The following TBC1D4 variants were observed in gnomAD, a reference collection of about 807,000 sequenced individuals.
TBC1D4 encodes the protein TBC (Tre-2, BUB2, CDC16) domain-containing protein.
In TBC1D4, 121 loss-of-function variants were observed where a neutral mutation model predicts 142.5. The ratio of observed to expected loss-of-function variants is 0.85; its 90% CI spans 0.73 to 0.99. TBC1D4 has a LOEUF of 0.99. TBC1D4 is among the 50% of genes least tolerant of loss of function. TBC1D4 has a pLI of 0.00. For synonymous variants in TBC1D4, 630 were observed against 628.2 expected, an observed-to-expected ratio of 1.00 and a Z score of -0.04; for missense variants, 1,475 against 1,606.6, an observed-to-expected ratio of 0.92 and a Z score of 1.40.
rs1397591964 is a variant in TBC1D4 at position 75,302,366 on chromosome 13, A to G, written c.2788T>C (p.Phe930Leu). 1.2e-6 allele frequency: 2 copies of G among 1,614,032 alleles called. No homozygotes were observed. Among genetic ancestry groups the G allele is most frequent in the African/African-American group, 1.3e-5 (1 of 74,932 alleles). ...CTGAGTCGGTACTGTAAAGCCAGAAACTGCCAAATTTCTCCTCGTCGACTT... is the reference window on the plus strand; with the variant it reads ...CTGAGTCGGTACTGTAAAGCCAGAAGCTGCCAAATTTCTCCTCGTCGACTT... ...PKSRRGEIWQ[F>L]LALQYRLRHR... Residue 930 changes from phenylalanine (F) to leucine (L), a missense_variant, in exon 16 of 21, where the codon TTT (phenylalanine) becomes CTT (leucine). Transcript: ENST00000377636.
At chr13:75,404,065 C>T (rs1434297260) in intron 1 of TBC1D4, among the ~76,000 whole-genome samples, 41 of 102,604 alleles carry the variant, frequency 4.0e-4, no homozygotes, top group Non-Finnish European at 6.8e-4. Flanking sequence ...TATATACATA[C>T]ACACACACAC....
chr13:75,364,253 C>T (rs1882766107), intron 1 of TBC1D4, among the ~76,000 whole-genome samples: 1 of 152,178 alleles, frequency 6.6e-6, no homozygotes, highest in South Asian at 2.1e-4. Context: ...GCACATTCCT[C>T]CCACAAGGTC....
chr13:75,338,349 G>A (rs1435946033), intron 7 of TBC1D4, among the ~76,000 whole-genome samples: 1 of 151,662 alleles, frequency 6.6e-6, no homozygotes, highest in African/African-American at 2.4e-5. Context: ...ATAAAGCACT[G>A]GGATCATTCA....
chr13:75,474,764 G>A (rs1037365379), intron 1 of TBC1D4, among the ~76,000 whole-genome samples: 5 of 151,390 alleles, frequency 3.3e-5, no homozygotes, highest in Non-Finnish European at 7.4e-5. Context: ...AGCCTCCCAA[G>A]TAGCTGTGAT....
intron 1 of TBC1D4, among the ~76,000 whole-genome samples, chr13:75,396,536 T>C (rs551291853): frequency 2.6e-5 from 4 of 152,300 alleles, no homozygotes; most frequent in Admixed American, 2.6e-4. Context: ...ATTGTATTTG[T>C]GTCACAATAA....
chr13:75,383,977 T>A (rs1262412451), intron 1 of TBC1D4, among the ~76,000 whole-genome samples: 1 of 151,906 alleles, frequency 6.6e-6, no homozygotes, highest in Non-Finnish European at 1.5e-5. Flanking sequence ...TCAAAACTTA[T>A]CTCCGAGGAA....
chr13:75,368,538 G>A (rs2138199819), intron 1 of TBC1D4, among the ~76,000 whole-genome samples: 1 of 152,274 alleles, frequency 6.6e-6, no homozygotes, highest in African/African-American at 2.4e-5. Flanking sequence ...TCTAAGTTAG[G>A]CCAAATTGTC....
intron 4 of TBC1D4, among the ~76,000 whole-genome samples, chr13:75,350,130 T>C (rs1282484090): frequency 6.6e-6 from 1 of 152,196 alleles, no homozygotes; most frequent in African/African-American, 2.4e-5. Flanking sequence ...ATGTAAAGTG[T>C]AATTTTCCTA....
At chr13:75,331,370 T>A (rs1214039054) in intron 8 of TBC1D4, among the ~76,000 whole-genome samples, 1 of 151,990 alleles carries the variant, frequency 6.6e-6, no homozygotes, top group Non-Finnish European at 1.5e-5. Flanking sequence ...CTTGGTGGAA[T>A]GTGACCATGG....
chr13:75,356,132 A>T lies in TBC1D4; in HGVS notation c.1275+15T>A. ...GTGTCCGCAGGAGCAGGCAGACAGC[A>T]ATAACACTACTTACCAGAGATTCGC... is the stretch of plus-strand genomic sequence containing the variant. On this transcript the variant is annotated intron_variant, in intron 4 of 20. Transcript: ENST00000377636. 6.3e-7 allele frequency: 1 copy of T among 1,596,998 alleles called. No individual in the cohort carries two copies. Among genetic ancestry groups the T allele is most frequent in the Non-Finnish European group, 8.6e-7 (1 of 1,165,048 alleles).
At chr13:75,380,531 G>C (rs1239563057) in intron 1 of TBC1D4, among the ~76,000 whole-genome samples, 1 of 120,748 alleles carries the variant, frequency 8.3e-6, no homozygotes, top group African/African-American at 2.7e-5. Context: ...TAATGAACTA[G>C]ATAAGATTTT....
Position 75,306,394 on chromosome 13 carries a change from T to C in TBC1D4, c.2671A>G (p.Ile891Val), listed in dbSNP as rs1400211924. The change falls in exon 15 of 21, where the codon ATA (isoleucine) becomes GTA (valine). Residue 891 changes from isoleucine to valine, a missense_variant. Around this residue, in one of 2 missense-constraint regions of TBC1D4, gnomAD observed 1,227 missense variants for 1,267.7 expected, o/e 0.97. Coordinates refer to ENST00000377636, the MANE Select transcript of TBC1D4 (RefSeq NM_014832.5). ...TTTAACAACTTCTTATCCCAAGTTA[T>C]TAAGACCTCTTTCTGACATGCACCA... ...EVGACQKEVL[I>V]TWDKKLLNCR... is the part of the protein sequence containing the mutation. 1.9e-6 allele frequency: 3 copies of C among 1,613,534 alleles called. No individual in the cohort carries two copies. The South Asian group carries it at 3.3e-5, about 18-fold the overall frequency.
Position 75,432,347 on chromosome 13 carries a change from T to C in TBC1D4, c.498+48923A>G, listed in dbSNP as rs1031315325. Among the ~76,000 whole-genome samples, 12 of 152,316 alleles carry C rather than the reference T, an allele frequency of 7.9e-5. No individual in the cohort carries two copies. In the East Asian group the frequency reaches 9.6e-4, roughly 12 times the overall value. ...CGTGAGACTATGACTAAAAGGTCCA[T>C]TGAAACTCCATGTTCTGAGGCAGCA... On this transcript the variant is annotated intron_variant, in intron 1 of 20. Transcript: ENST00000377636.
intron 1 of TBC1D4, among the ~76,000 whole-genome samples, chr13:75,470,196 A>T (rs1888341253): frequency 6.6e-6 from 1 of 152,184 alleles, no homozygotes; most frequent in Non-Finnish European, 1.5e-5. Context: ...GATAATAAAG[A>T]TTTTAGGCCT....
chr13:75,481,333 C>A lies in TBC1D4; in HGVS notation c.435G>T (p.Ala145=), dbSNP rs1233022988. ...DLTYFAYLIK[A]QPDDPESQMA... The stretch of plus-strand genomic sequence containing the variant: ...TCTGCGACTCGGGGTCGTCGGGCTG[C>A]GCCTTGATCAGGTAGGCAAAGTAGG... The change falls in exon 1 of 21, where the codon GCG becomes GCT. Residue 145 remains alanine, a synonymous_variant. Coordinates refer to ENST00000377636, the MANE Select transcript of TBC1D4 (RefSeq NM_014832.5). 10 of 1,613,820 alleles carry A rather than the reference C, an allele frequency of 6.2e-6. No individual in the cohort carries two copies. Among genetic ancestry groups the A allele is most frequent in the Non-Finnish European group, 7.6e-6 (9 of 1,179,842 alleles).
chr13:75,302,362 A>C lies in TBC1D4; in HGVS notation c.2792T>G (p.Leu931Arg). Residue 931 changes from leucine to arginine, a missense_variant, in exon 16 of 21, where the codon CTG (leucine) becomes CGG (arginine). Coordinates refer to ENST00000377636, the MANE Select transcript of TBC1D4 (RefSeq NM_014832.5). ...KSRRGEIWQF[L>R]ALQYRLRHRL... is the part of the protein sequence containing the mutation. ...GTGTCTGAGTCGGTACTGTAAAGCC[A>C]GAAACTGCCAAATTTCTCCTCGTCG... is the stretch of plus-strand genomic sequence containing the variant. 6.2e-7 allele frequency: 1 copy of C among 1,614,200 alleles called. No homozygotes were observed. Among genetic ancestry groups the C allele is most frequent in the Non-Finnish European group, 8.5e-7 (1 of 1,180,028 alleles).
At chr13:75,312,654 A>ATCT in intron 13 of TBC1D4, 84 bp downstream of exon 13, 1 of 1,555,912 alleles carries the variant, frequency 6.4e-7, no homozygotes, top group Non-Finnish European at 8.9e-7. Context: ...AATCACTTAA[A>ATCT]TCTCTTTATA....
At chr13:75,317,293 G>A (rs1310341281) in intron 12 of TBC1D4, among the ~76,000 whole-genome samples, 1 of 152,158 alleles carries the variant, frequency 6.6e-6, no homozygotes, top group Non-Finnish European at 1.5e-5. Flanking sequence ...GAAAAATTAA[G>A]TCTCCAATTA....
At chr13:75,403,110 A>C (rs1452244207) in intron 1 of TBC1D4, among the ~76,000 whole-genome samples, 2 of 152,138 alleles carry the variant, frequency 1.3e-5, no homozygotes, top group African/African-American at 4.8e-5. Context: ...AATAAACCAA[A>C]CCAGCAGACT....
Sources: allele counts gnomAD v4.1 joint callset (sites outside exome capture counted in the v4.1 genomes callset), GRCh38; gene constraint gnomAD v4.1.1; regional missense constraint gnomAD v4.1.1; transcripts MANE v1.5; gene names NCBI Gene and HGNC (gene_info 2026-07-23, HGNC 2026-07-21).